Variants in MACROD2 observed in about 807,000 individuals in gnomAD.
MACROD2 encodes ADP-ribose glycohydrolase MACROD2.
A neutral mutation model predicts 70.4 loss-of-function variants in MACROD2; 36 were observed. The observed-to-expected ratio is 0.51, with a 90% CI of 0.39 to 0.68. The LOEUF is 0.68. Among genes scored for constraint, MACROD2 ranks in the 30% least tolerant of loss-of-function variants. The pLI is 0.00. For synonymous variants in MACROD2, 172 were observed against 178.8 expected (o/e 0.96, Z 0.30); for missense variants, 496 against 538.4 (o/e 0.92, Z 0.78).
rs568249187 is a variant in MACROD2 at position 15,488,913 on chromosome 20, C to T, written c.572-10861C>T. Among the ~76,000 whole-genome samples the T allele has an allele frequency of 1.5e-3, 232 of 152,262 alleles. 1 individual carries two copies. The highest frequency in any genetic ancestry group is 5.4e-3 in the African/African-American group (224 of 41,552). On this transcript the variant is annotated intron_variant, in intron 7 of 17. Coordinates refer to ENST00000684519, the MANE Select transcript of MACROD2 (RefSeq NM_001351661.2). The stretch of plus-strand genomic sequence containing the variant: ...CTTGCATAGAATAGAATTTGTTTCA[C>T]GAACCATTTCTCCAGTCATTATTAT...
At chr20:15,417,738 G>A (rs2046175252) in intron 6 of MACROD2, among the ~76,000 whole-genome samples, 1 of 151,970 alleles carries the variant, frequency 6.6e-6, no homozygotes, top group African/African-American at 2.4e-5. Context: ...CCTTCTGGAT[G>A]AGAAACTGGT....
intron 5 of MACROD2, among the ~76,000 whole-genome samples, chr20:14,972,932 C>T (rs1431755722): frequency 6.6e-6 from 1 of 152,182 alleles, no homozygotes; most frequent in African/African-American, 2.4e-5. Context: ...TCCTTTCATT[C>T]ACTGAGACAA....
intron 5 of MACROD2, among the ~76,000 whole-genome samples, chr20:15,127,399 A>G (rs550698647): frequency 1.3e-5 from 2 of 152,252 alleles, no homozygotes; most frequent in Non-Finnish European, 2.9e-5. Context: ...TTACTCTCAA[A>G]CTTAGTTGCT....
intron 6 of MACROD2, among the ~76,000 whole-genome samples, chr20:15,250,613 G>A (rs1398859992): frequency 6.6e-6 from 1 of 152,144 alleles, no homozygotes; most frequent in Non-Finnish European, 1.5e-5. Flanking sequence ...AACATTTTAT[G>A]TTGTGATTTT....
chr20:15,926,007 C>T (rs2065484199), intron 10 of MACROD2, among the ~76,000 whole-genome samples: 1 of 152,200 alleles, frequency 6.6e-6, no homozygotes, highest in African/African-American at 2.4e-5. Context: ...TTTCCCCAAA[C>T]TGGCTACACA....
chr20:14,208,993 C>T (rs751225912), intron 3 of MACROD2, among the ~76,000 whole-genome samples: 77 of 152,250 alleles, frequency 5.1e-4, no homozygotes, highest in Middle Eastern at 3.4e-3. Context: ...GTGTTAAACT[C>T]AGGCTGAGGA....
At chr20:14,783,436 T>A (rs2072326584) in intron 5 of MACROD2, among the ~76,000 whole-genome samples, 2 of 152,182 alleles carry the variant, frequency 1.3e-5, no homozygotes, top group South Asian at 4.1e-4. Context: ...TTACCATCTC[T>A]GCTCAGCATA....
intron 8 of MACROD2, among the ~76,000 whole-genome samples, chr20:15,683,054 A>G (rs2050181247): frequency 6.6e-6 from 1 of 152,170 alleles, no homozygotes; most frequent in Non-Finnish European, 1.5e-5. Context: ...TTGATGAACA[A>G]TTTTCGCCAA....
At chr20:14,215,204 ATTCCATCATATATATATT>A (rs1179888438) in intron 3 of MACROD2, among the ~76,000 whole-genome samples, 1 of 150,578 alleles carries the variant, frequency 6.6e-6, no homozygotes, top group Non-Finnish European at 1.5e-5. Flanking sequence ...TCATATATAT[ATTCCATCATATATATATT>A]TTCCATCATA....
intron 15 of MACROD2, among the ~76,000 whole-genome samples, chr20:15,990,786 C>T (rs2066547559): frequency 6.6e-6 from 1 of 152,160 alleles, no homozygotes; most frequent in African/African-American, 2.4e-5. Context: ...TCTAGCCCTG[C>T]CTGTGTGATT....
At chr20:14,385,589 A>G (rs1042147537) in intron 3 of MACROD2, among the ~76,000 whole-genome samples, 13 of 152,306 alleles carry the variant, frequency 8.5e-5, no homozygotes, top group African/African-American at 3.1e-4. Context: ...CTGTTTCCTT[A>G]ACTGATTTTA....
At chr20:14,332,687 A>C (rs1487052450) in intron 3 of MACROD2, among the ~76,000 whole-genome samples, 1 of 152,178 alleles carries the variant, frequency 6.6e-6, no homozygotes, top group Non-Finnish European at 1.5e-5. Flanking sequence ...CTAAAATCTA[A>C]TGGCATGTAG....
At chr20:15,544,984 T>G (rs2048008084) in intron 8 of MACROD2, among the ~76,000 whole-genome samples, 1 of 152,204 alleles carries the variant, frequency 6.6e-6, no homozygotes, top group Non-Finnish European at 1.5e-5. Flanking sequence ...AGAGTTTGGC[T>G]GTCATTTGAA....
chr20:15,777,662 C>A (rs1041740537), intron 8 of MACROD2, among the ~76,000 whole-genome samples: 4 of 132,348 alleles, frequency 3.0e-5, no homozygotes, highest in African/African-American at 8.4e-5. Flanking sequence ...CTCTTTCTTT[C>A]GAGACAGAGT....
intron 7 of MACROD2, among the ~76,000 whole-genome samples, chr20:15,459,473 T>A (rs927480107): frequency 6.6e-6 from 1 of 152,162 alleles, no homozygotes; most frequent in Admixed American, 6.5e-5. Flanking sequence ...ACTATCCTTG[T>A]ATAGAAGCTT....
chr20:15,662,986 C>CTTAGCTTTA lies in MACROD2; in HGVS notation c.645+163142_645+163143insGCTTTATTA, dbSNP rs5840680. ...CGAATGTTTACATGATCAAAAATAA[C>CTTAGCTTTA]TTATTTTTGCCTATTAATGTATGGT... On this transcript the variant is annotated intron_variant, in intron 8 of 17. Coordinates refer to ENST00000684519, the MANE Select transcript of MACROD2 (RefSeq NM_001351661.2). Among the ~76,000 whole-genome samples the CTTAGCTTTA allele has an allele frequency of 1.1e-4, 17 of 151,372 alleles. No individual in the cohort carries two copies. In the South Asian group the frequency reaches 3.5e-3, roughly 32 times the overall value.
At chr20:14,551,434 A>G (rs1216186754) in intron 4 of MACROD2, among the ~76,000 whole-genome samples, 1 of 152,240 alleles carries the variant, frequency 6.6e-6, no homozygotes, top group Non-Finnish European at 1.5e-5. Flanking sequence ...TCAGATGTAG[A>G]ACATGATAAA....
chr20:14,393,530 C>A (rs1021901346), intron 3 of MACROD2, among the ~76,000 whole-genome samples: 1 of 152,098 alleles, frequency 6.6e-6, no homozygotes, highest in Non-Finnish European at 1.5e-5. Context: ...GTAAGCCATG[C>A]GTAATATCTG....
chr20:14,710,901 G>C (rs2071330758), intron 5 of MACROD2, among the ~76,000 whole-genome samples: 1 of 152,072 alleles, frequency 6.6e-6, no homozygotes, highest in Non-Finnish European at 1.5e-5. Context: ...TGATAAAAAT[G>C]AAGCCCCCAT....
Sources: gnomAD v4.1 joint callset for allele counts (sites outside exome capture counted in the v4.1 genomes callset) on GRCh38, gnomAD v4.1.1 for gene constraint, MANE v1.5 for transcripts, NCBI Gene and HGNC (gene_info 2026-07-23, HGNC 2026-07-21) for gene names.